HECW1: variants seen among roughly 807,000 people sequenced by gnomAD.
HECW1 encodes the protein HECT, C2 and WW domain containing E3 ubiquitin protein ligase 1, also known as E3 ubiquitin-protein ligase HECW1.
Under a neutral mutation model 182.3 loss-of-function variants are expected in HECW1, and 61 were observed. The ratio of observed to expected loss-of-function variants is 0.33; its 90% CI spans 0.27 to 0.41. The LOEUF is 0.41. Ranked by LOEUF, HECW1 falls within the 10% of genes least tolerant of loss-of-function variation. The probability of loss-of-function intolerance (pLI) is 1.00; values close to 1 mark genes in which losing one functional copy is unlikely to be tolerated. For synonymous variants in HECW1, 859 were observed against 832.6 expected (o/e 1.03, Z -0.55); for missense variants, 1,739 against 2,108.9 (o/e 0.82, Z 3.44).
Position 43,317,034 on chromosome 7 carries a change from C to A in HECW1, c.353-3601C>A, listed in dbSNP as rs544983169. 2.2e-4 allele frequency among the ~76,000 whole-genome samples: 34 copies of A among 151,912 alleles called. No individual in the cohort carries two copies. In the South Asian group the frequency reaches 6.9e-3, roughly 31 times the overall value. On this transcript the variant is annotated intron_variant, in intron 4 of 29. Transcript: ENST00000395891. The stretch of plus-strand genomic sequence containing the variant: ...TGTGATCTTAGGCAGTTTATTTAAT[C>A]ATTCACTACAAAATAGGGATAAATA...
intron 5 of HECW1, among the ~76,000 whole-genome samples, chr7:43,325,262 A>G (rs1177256328): frequency 1.3e-5 from 2 of 152,208 alleles, no homozygotes; most frequent in Non-Finnish European, 2.9e-5. Context: ...TCTTAAGTTG[A>G]CCCATCCTAT....
Position 43,355,993 on chromosome 7 carries a change from T to A in HECW1, c.461-4893T>A, listed in dbSNP as rs61616410. Among the ~76,000 whole-genome samples the A allele has an allele frequency of 4.9e-5, 7 of 143,602 alleles. No individual in the cohort carries two copies. In the East Asian group the frequency reaches 6.6e-4, roughly 13 times the overall value. 94.2% of individuals were successfully genotyped at this position (143,602 alleles called of 152,430 possible). Reference sequence around the variant, plus strand: ...ACAGAGCAAGACTCCGTTAAAAAAATAAATAAAATGAAATAAAAAACAGAA... The same window carrying A: ...ACAGAGCAAGACTCCGTTAAAAAAAAAAATAAAATGAAATAAAAAACAGAA... On this transcript the variant is annotated intron_variant, in intron 5 of 29. Transcript: ENST00000395891.
chr7:43,539,578 A>T (rs1197042411), intron 24 of HECW1, among the ~76,000 whole-genome samples: 2 of 152,204 alleles, frequency 1.3e-5, no homozygotes, highest in African/African-American at 4.8e-5. Flanking sequence ...ATCTCATTTA[A>T]TGTTATCATT....
intron 13 of HECW1, among the ~76,000 whole-genome samples, chr7:43,457,528 T>C (rs2077442942): frequency 6.6e-6 from 1 of 152,070 alleles, no homozygotes; most frequent in African/African-American, 2.4e-5. Context: ...ATCCCAGCAC[T>C]TTGGGAGGCT....
chr7:43,274,590 T>G (rs2152743353), intron 3 of HECW1: 3 of 452,170 alleles, frequency 6.6e-6, no homozygotes, highest in African/African-American at 2.0e-5. Flanking sequence ...TAGGTGCAGG[T>G]TCCTCGCCCC....
rs1409318252 is a variant in HECW1, at chr7:43,562,837, TG to T, written c.*913del. On this transcript the variant is annotated 3_prime_UTR_variant, in exon 30 of 30. Transcript: ENST00000395891. ...GAAAGGGAAGAAGGACATATTACCT[TG>T]GTTTGAATCCCTGAGTTCTGTACTG... is the stretch of plus-strand genomic sequence containing the variant. 1.4e-5 allele frequency: 3 copies of T among 217,916 alleles called. No individual in the cohort carries two copies. Among genetic ancestry groups the T allele is most frequent in the Non-Finnish European group, 2.8e-5 (3 of 108,420 alleles). 13.5% of individuals were successfully genotyped at this position (217,916 alleles called of 1,614,324 possible). A position where few individuals can be genotyped will look rare whatever the true frequency, so the allele number is the denominator to read the frequency against.
chr7:43,379,626 T>G (rs1584700497), intron 6 of HECW1, among the ~76,000 whole-genome samples: 1 of 152,304 alleles, frequency 6.6e-6, no homozygotes, highest in East Asian at 1.9e-4. Flanking sequence ...TCGAGAGTCC[T>G]CTTTCTAATC....
At chr7:43,171,249 G>T (rs1382687302) in intron 2 of HECW1, among the ~76,000 whole-genome samples, 3 of 152,176 alleles carry the variant, frequency 2.0e-5, no homozygotes, top group Non-Finnish European at 2.9e-5. Flanking sequence ...TGGGAAATGT[G>T]ATTCCACTAA....
At chr7:43,500,952 C>T (rs1178813437) in intron 20 of HECW1, among the ~76,000 whole-genome samples, 170 bp downstream of exon 20, 1 of 152,164 alleles carries the variant, frequency 6.6e-6, no homozygotes, top group Non-Finnish European at 1.5e-5. Flanking sequence ...CCATCACAGT[C>T]CTTAGATTTG....
rs141968610 is a variant in HECW1, at chr7:43,394,972, T to C, written c.556-1842T>C. ...TGCTGATTGGTCAGAGATGAAATCA[T>C]AGGGAGTCGGAGCTGTCTTCTTGCA... On this transcript the variant is annotated intron_variant, in intron 6 of 29. Coordinates refer to ENST00000395891, the MANE Select transcript of HECW1 (RefSeq NM_015052.5). Among the ~76,000 whole-genome samples the C allele has an allele frequency of 4.0e-3, 607 of 151,878 alleles. 4 individuals are homozygous for C. Among genetic ancestry groups the C allele is most frequent in the African/African-American group, 0.014 (576 of 41,412 alleles).
chr7:43,130,052 A>G (rs1786738213), intron 2 of HECW1, among the ~76,000 whole-genome samples: 1 of 152,236 alleles, frequency 6.6e-6, no homozygotes, highest in African/African-American at 2.4e-5. Context: ...CTGATTGTAT[A>G]CATTGCAATA....
Position 43,275,560 on chromosome 7 carries a change from G to A in HECW1, c.27+31628G>A, listed in dbSNP as rs866307032. On this transcript the variant is annotated intron_variant, in intron 3 of 29. Transcript: ENST00000395891. ...ATGGAAGAAATGGTATTAAGTTTTA[G>A]AAAAGTAGGGGTGAGGGAGAGTAAT... 7.9e-5 allele frequency among the ~76,000 whole-genome samples: 12 copies of A among 152,284 alleles called. No homozygotes were observed. In the South Asian group the frequency reaches 1.2e-3, roughly 16 times the overall value.
chr7:43,436,428 A>T (rs761239999), intron 8 of HECW1, among the ~76,000 whole-genome samples: 19 of 152,176 alleles, frequency 1.2e-4, no homozygotes, highest in African/African-American at 4.6e-4. Flanking sequence ...AAGCTTTTTA[A>T]TCACCTGGGC....
rs1175197554 is a variant in HECW1 at position 43,444,618 on chromosome 7, C to A, written c.1446C>A (p.Thr482=). ...AAGACGGTGAAGCCCCAGCCAGCAC[C>A]AAGGAGGAGCCCTTGGAGGAGGAAG... is the stretch of plus-strand genomic sequence containing the variant. ...LLEDGEAPAS[T]KEEPLEEEAT... The change falls in exon 11 of 30, where the codon ACC becomes ACA. Residue 482 remains threonine, a synonymous_variant. Transcript: ENST00000395891. This position sits in a 1 kb window ranked among gnomAD's most constrained non-coding sequence, Gnocchi z 4.3. 1 of 1,610,222 alleles carries A rather than the reference C, an allele frequency of 6.2e-7. No individual in the cohort carries two copies. Among genetic ancestry groups the A allele is most frequent in the Non-Finnish European group, 8.5e-7 (1 of 1,178,416 alleles).
At position 43,436,901 on chromosome 7, in the gene HECW1, G is replaced by T. The variant is rs148360016; in HGVS notation, c.802-1102G>T. ...TTGTTTTGAGATGGAGTCTCACTCT[G>T]TCACCCAGGCTGGAGTCCAGTAGTG... On this transcript the variant is annotated intron_variant, in intron 8 of 29. Transcript: ENST00000395891. 3.8e-3 allele frequency among the ~76,000 whole-genome samples: 577 copies of T among 152,208 alleles called. 3 individuals carry two copies. Among genetic ancestry groups the T allele is most frequent in the African/African-American group, 0.013 (555 of 41,506 alleles).
chr7:43,466,086 A>G (rs563734904), intron 14 of HECW1, among the ~76,000 whole-genome samples: 43 of 146,530 alleles, frequency 2.9e-4, no homozygotes, highest in African/African-American at 1.1e-3. Context: ...AAGGAGAGAG[A>G]AGAAAGAGAA....
chr7:43,457,266 T>G (rs1457144959), intron 13 of HECW1, among the ~76,000 whole-genome samples: 1 of 152,178 alleles, frequency 6.6e-6, no homozygotes, highest in Non-Finnish European at 1.5e-5. Flanking sequence ...TTACCAGGAA[T>G]GCAAACTGAG....
chr7:43,328,078 G>A (rs1811024319), intron 5 of HECW1, among the ~76,000 whole-genome samples: 1 of 151,678 alleles, frequency 6.6e-6, no homozygotes, highest in African/African-American at 2.4e-5. Context: ...AGCATTTTGG[G>A]AGGAAGTGGC....
At chr7:43,152,274 A>G (rs1304110080) in intron 2 of HECW1, among the ~76,000 whole-genome samples, 2 of 152,240 alleles carry the variant, frequency 1.3e-5, no homozygotes, top group Non-Finnish European at 2.9e-5. Flanking sequence ...CAAGTGAAAG[A>G]TAGTACATAC....
Sources: allele counts gnomAD v4.1 joint callset (sites outside exome capture counted in the v4.1 genomes callset), GRCh38; gene constraint gnomAD v4.1.1; non-coding constraint Gnocchi (gnomAD v3.1); transcripts MANE v1.5; gene names NCBI Gene and HGNC (gene_info 2026-07-23, HGNC 2026-07-21).